Variants in TENM2 observed in about 807,000 individuals in gnomAD.
TENM2 encodes teneurin transmembrane protein 2.
In TENM2, 52 loss-of-function variants were observed where a neutral mutation model predicts 245.2. The ratio of observed to expected loss-of-function variants is 0.21; its 90% confidence interval spans 0.17 to 0.27. The LOEUF is 0.27. TENM2 is among the 10% of genes least tolerant of loss of function. TENM2 has a pLI of 1.00. For missense variants in TENM2, 3,046 were observed against 3,666.8 expected (o/e 0.83, Z 4.37); for synonymous variants, 1,363 against 1,438.9 (o/e 0.95, Z 1.19).
At chr5:167,614,604 T>G (rs2127756670) in intron 2 of TENM2, among the ~76,000 whole-genome samples, 1 of 152,262 alleles carries the variant, frequency 6.6e-6, no homozygotes, top group South Asian at 2.1e-4. Context: ...GAAAACGCTT[T>G]TAGGGTACCT....
chr5:168,254,316 G>A (rs1581781225), intron 27 of TENM2, among the ~76,000 whole-genome samples: 1 of 152,200 alleles, frequency 6.6e-6, no homozygotes, highest in African/African-American at 2.4e-5. Context: ...GAGGGGTGTT[G>A]TGTTGTCTCA....
At chr5:167,194,353 T>C in the TENM2 span, among the ~76,000 whole-genome samples, 11 of 152,046 alleles carry the variant, frequency 7.2e-5, no homozygotes, top group Admixed American at 7.2e-4. Context: ...AGTCTCTCAG[T>C]TTCCTCTAGT....
chr5:167,251,417 C>T, the TENM2 span, among the ~76,000 whole-genome samples: 11 of 152,032 alleles, frequency 7.2e-5, no homozygotes, highest in African/African-American at 2.7e-4. Context: ...AAGCTAATGC[C>T]TAATGCTTAT....
chr5:168,105,018 C>T (rs1211850736), intron 9 of TENM2, among the ~76,000 whole-genome samples: 1 of 152,130 alleles, frequency 6.6e-6, no homozygotes, highest in Non-Finnish European at 1.5e-5. Context: ...AAGGGGGTAA[C>T]ATAAATGGGA....
At chr5:168,018,779 T>C (rs1418561918) in intron 5 of TENM2, among the ~76,000 whole-genome samples, 1 of 152,192 alleles carries the variant, frequency 6.6e-6, no homozygotes, top group Admixed American at 6.5e-5. Context: ...CTTTATTCAT[T>C]AATTCAGCAA....
chr5:167,231,231 A>C, the TENM2 span, among the ~76,000 whole-genome samples: 1 of 152,340 alleles, frequency 6.6e-6, no homozygotes, highest in African/African-American at 2.4e-5. Context: ...AAGGTACCCG[A>C]AAATGTGGAA....
chr5:168,056,398 T>A lies in TENM2; in HGVS notation c.1310-5662T>A, dbSNP rs192242043. On this transcript the variant is annotated intron_variant, in intron 6 of 28. Coordinates refer to ENST00000518659, the Ensembl canonical transcript of TENM2. ...TTTTAAAAAGTATATAAAAAACTTT[T>A]CTTTTGCTATCATGAATATTTCTCT... Among the ~76,000 whole-genome samples, 657 of 152,370 alleles carry A rather than the reference T, an allele frequency of 4.3e-3. 3 individuals are homozygous for A. Among genetic ancestry groups the A allele is most frequent in the African/African-American group, 0.015 (632 of 41,590 alleles).
At chr5:167,148,165 G>A in the TENM2 span, among the ~76,000 whole-genome samples, 1 of 152,166 alleles carries the variant, frequency 6.6e-6, no homozygotes, top group Non-Finnish European at 1.5e-5. Context: ...GAGAAAGAAT[G>A]TTCCACAACC....
chr5:167,318,048 C>T (rs1324216473), intron 1 of TENM2, among the ~76,000 whole-genome samples: 1 of 152,174 alleles, frequency 6.6e-6, no homozygotes, highest in Non-Finnish European at 1.5e-5. Flanking sequence ...GGGCATGACA[C>T]TCTGAATTTT....
At chr5:167,570,438 G>A (rs1165070110) in intron 2 of TENM2, among the ~76,000 whole-genome samples, 2 of 151,822 alleles carry the variant, frequency 1.3e-5, no homozygotes, top group Non-Finnish European at 2.9e-5. Context: ...GCTGTGTCAC[G>A]ACAGTTGGGA....
chr5:167,439,774 G>A (rs1371479848), intron 2 of TENM2, among the ~76,000 whole-genome samples: 1 of 152,090 alleles, frequency 6.6e-6, no homozygotes, highest in Non-Finnish European at 1.5e-5. Context: ...ACAAAGCCAG[G>A]AAGAATTCTA....
At chr5:167,777,334 T>G (rs1189114739) in intron 2 of TENM2, among the ~76,000 whole-genome samples, 1 of 152,252 alleles carries the variant, frequency 6.6e-6, no homozygotes, top group Non-Finnish European at 1.5e-5. Flanking sequence ...TCTCTTTTCC[T>G]ATATTATTTA....
intron 3 of TENM2, among the ~76,000 whole-genome samples, chr5:167,935,924 G>C (rs192317484): frequency 6.6e-6 from 1 of 151,988 alleles, no homozygotes; most frequent in Non-Finnish European, 1.5e-5. Context: ...CTCATGTTCT[G>C]TATCTCTACC....
intron 1 of TENM2, among the ~76,000 whole-genome samples, chr5:167,296,712 T>C (rs1003553972): frequency 3.9e-5 from 6 of 152,208 alleles, no homozygotes; most frequent in Non-Finnish European, 7.3e-5. Context: ...GGGTTCAAAT[T>C]CTTCCTAGTT....
intron 2 of TENM2, among the ~76,000 whole-genome samples, chr5:167,649,568 T>C (rs997477581): frequency 6.6e-6 from 1 of 152,174 alleles, no homozygotes; most frequent in African/African-American, 2.4e-5. Flanking sequence ...TTTTTTCTTA[T>C]GTCATGGCCT....
the TENM2 span, among the ~76,000 whole-genome samples, chr5:167,017,804 C>A: frequency 3.3e-5 from 5 of 152,084 alleles, no homozygotes; most frequent in Non-Finnish European, 7.4e-5. Flanking sequence ...TTGCGTGATG[C>A]CATAGCATTC....
intron 4 of TENM2, chr5:167,965,567 G>A (rs998254305): frequency 2.0e-5 from 3 of 149,686 alleles, no homozygotes; most frequent in African/African-American, 5.0e-5. Flanking sequence ...GGGTGATAGC[G>A]TGAGATTCCA....
At chr5:167,567,468 A>G (rs891473296) in intron 2 of TENM2, among the ~76,000 whole-genome samples, 1 of 152,130 alleles carries the variant, frequency 6.6e-6, no homozygotes, top group Non-Finnish European at 1.5e-5. Context: ...TGGGCCTGAA[A>G]TGACCTCCTA....
intron 1 of TENM2, among the ~76,000 whole-genome samples, chr5:167,333,189 A>G (rs1757556296): frequency 6.6e-6 from 1 of 152,214 alleles, no homozygotes; most frequent in African/African-American, 2.4e-5. Flanking sequence ...CAGGAAAACT[A>G]GGCTGAATTA....
Sources: gnomAD v4.1 joint callset for allele counts (sites outside exome capture counted in the v4.1 genomes callset) on GRCh38, gnomAD v4.1.1 for gene constraint, MANE v1.5 for transcripts, NCBI Gene and HGNC (gene_info 2026-07-23, HGNC 2026-07-21) for gene names.